Variants in ZNF568 observed in about 807,000 individuals in gnomAD.
The protein encoded by ZNF568 is zinc finger protein 568.
Under a neutral mutation model 18.1 loss-of-function variants are expected in ZNF568, and 11 were observed. That is an observed-to-expected ratio of 0.61 (90% CI 0.38 to 1.00). The LOEUF (loss-of-function observed/expected upper bound fraction) is 1.00, where lower values mean the gene tolerates loss of function less well. Ranked by LOEUF, ZNF568 falls within the 50% of genes least tolerant of loss-of-function variation. ZNF568 has a pLI of 0.01. For missense variants in ZNF568, 639 were observed against 768.2 expected, an observed-to-expected ratio of 0.83 and a Z score of 1.99; for synonymous variants, 213 against 246.6, an observed-to-expected ratio of 0.86 and a Z score of 1.28.
chr19:36,980,154 GTGC>G (rs1316599148), downstream of ZNF568: 2 of 152,028 alleles, frequency 1.3e-5, no homozygotes, highest in African/African-American at 4.8e-5. Context: ...CCGGTTATAT[GTGC>G]TGTGCATGCT....
At chr19:36,970,680 G>A (rs1053874201) in intron 6 of ZNF568, among the ~76,000 whole-genome samples, 2 of 152,038 alleles carry the variant, frequency 1.3e-5, no homozygotes, top group African/African-American at 2.4e-5. Context: ...AAATTCATTG[G>A]AGAGCATATA....
Position 36,950,280 on chromosome 19 carries a change from C to T in ZNF568, c.1127C>T (p.Ser376Phe), listed in dbSNP as rs961539053. Residue 376 changes from serine (S) to phenylalanine (F), a missense_variant, in exon 7 of 7, where the codon TCT (serine) becomes TTT (phenylalanine). Transcript: ENST00000333987. The part of the protein sequence containing the change: ...ECGRAFSRMS[S>F]VTLHMRSHTG... Reference sequence around the variant, plus strand: ...GGTAGAGCTTTTTCTCGAATGTCATCTGTTACGCTACATATGAGAAGTCAC... The same window carrying T: ...GGTAGAGCTTTTTCTCGAATGTCATTTGTTACGCTACATATGAGAAGTCAC... The T allele has an allele frequency of 8.1e-6, 13 of 1,613,704 alleles. No individual in the cohort carries two copies. Among genetic ancestry groups the T allele is most frequent in the Non-Finnish European group, 1.1e-5 (13 of 1,179,956 alleles).
Position 36,949,761 on chromosome 19 carries a change from A to G in ZNF568, c.608A>G (p.Gln203Arg), listed in dbSNP as rs1380596780. The G allele has an allele frequency of 3.7e-6, 6 of 1,614,014 alleles. No individual in the cohort carries two copies. Among genetic ancestry groups the G allele is most frequent in the Non-Finnish European group, 3.4e-6 (4 of 1,179,924 alleles). Residue 203 changes from glutamine (Q) to arginine (R), a missense_variant, in exon 7 of 7, where the codon CAG becomes CGG. Coordinates refer to ENST00000333987, the MANE Select transcript of ZNF568 (RefSeq NM_198539.4). Reference sequence around the variant, plus strand: ...GAGAAAGGCTGTGTAAGAGAGAAACAGAGTAATGAGTTTGGGAAACCATTT... The same window carrying G: ...GAGAAAGGCTGTGTAAGAGAGAAACGGAGTAATGAGTTTGGGAAACCATTT... ...RYEKGCVREK[Q>R]SNEFGKPFYH...
At chr19:36,926,072 G>A (rs939576603) in intron 4 of ZNF568, among the ~76,000 whole-genome samples, 3 of 152,050 alleles carry the variant, frequency 2.0e-5, no homozygotes, top group African/African-American at 2.4e-5. Flanking sequence ...ATGATCCTAC[G>A]TATATATTTT....
chr19:36,990,014 AG>A (rs1293707374), intron 2 of ZNF568, among the ~76,000 whole-genome samples: 6 of 152,224 alleles, frequency 3.9e-5, no homozygotes, highest in African/African-American at 1.4e-4. Context: ...TAATTAGACA[AG>A]AAAGGAATTG....
intron 6 of ZNF568, among the ~76,000 whole-genome samples, chr19:36,945,937 C>T (rs56308135): frequency 0.051 from 7,714 of 151,568 alleles, 259 homozygotes; most frequent in South Asian, 0.088. Flanking sequence ...ACTAAAAAAA[C>T]GCAAAAAATT....
At chr19:36,997,683 A>G, downstream of ZNF568, 1 of 1,009,524 alleles carries the variant, frequency 9.9e-7, no homozygotes, top group East Asian at 2.6e-5. Flanking sequence ...ACCTTAGTCA[A>G]CATCAAAGAA....
Position 36,944,636 on chromosome 19 carries a change from G to C in ZNF568, c.359-4876G>C, listed in dbSNP as rs140438706. 6.3e-3 allele frequency among the ~76,000 whole-genome samples: 952 copies of C among 152,196 alleles called. 28 individuals carry two copies. The highest frequency in any genetic ancestry group is 0.05 in the East Asian group (259 of 5,162). ...TTGGGGGACGTTTAGCAGCATGCCT[G>C]CTTCTACTCACTGGATAACAGTAGC... is the stretch of plus-strand genomic sequence containing the variant. On this transcript the variant is annotated intron_variant, in intron 6 of 6. Coordinates refer to ENST00000333987, the MANE Select transcript of ZNF568 (RefSeq NM_198539.4).
chr19:36,929,852 G>GA (rs957936467), intron 4 of ZNF568, among the ~76,000 whole-genome samples: 16 of 141,864 alleles, frequency 1.1e-4, no homozygotes, highest in African/African-American at 1.6e-4. Context: ...CAGTTTCAAA[G>GA]AAAAAAAAAA....
chr19:36,946,516 T>G (rs528924802), intron 6 of ZNF568, among the ~76,000 whole-genome samples: 1 of 152,112 alleles, frequency 6.6e-6, no homozygotes, highest in Non-Finnish European at 1.5e-5. Context: ...TTTGTTTAAA[T>G]AAGGAATCCA....
In ZNF568 at chr19:36,974,529, C is replaced by A; in HGVS notation, c.405+63C>A. 2 of 1,424,652 alleles carry A rather than the reference C, an allele frequency of 1.4e-6. 1 individual carries two copies. Among genetic ancestry groups the A allele is most frequent in the South Asian group, 2.5e-5 (2 of 80,926 alleles). 88.3% of individuals were successfully genotyped at this position (1,424,652 alleles called of 1,614,324 possible). A position where few individuals can be genotyped will look rare whatever the true frequency, so the allele number is the denominator to read the frequency against. On this transcript the variant is annotated intron_variant, in intron 7 of 7. Coordinates refer to the ZNF568 transcript ENST00000427117. The stretch of plus-strand genomic sequence containing the variant: ...TGGTTTTCAGGACAGTGTCCTATTT[C>A]AGAAATTTATCTAAAATATTTACAT...
chr19:36,980,774 A>G (rs536010303), downstream of ZNF568, among the ~76,000 whole-genome samples: 4 of 152,320 alleles, frequency 2.6e-5, no homozygotes, highest in East Asian at 3.9e-4. Context: ...GCTTCATTAC[A>G]TAGGCATCAT....
intron 6 of ZNF568, among the ~76,000 whole-genome samples, chr19:36,946,564 G>T (rs1600812630): frequency 6.6e-6 from 1 of 151,378 alleles, no homozygotes; most frequent in East Asian, 1.9e-4. Context: ...ATGCATGAAG[G>T]GATAAAAGGG....
intron 6 of ZNF568, among the ~76,000 whole-genome samples, chr19:36,964,549 A>T (rs878861397): frequency 1.3e-5 from 2 of 152,214 alleles, no homozygotes; most frequent in Non-Finnish European, 2.9e-5. Context: ...ATAGTGGCTC[A>T]TGCCTATAAT....
chr19:36,918,046 T>C (rs1286927045), intron 2 of ZNF568, among the ~76,000 whole-genome samples: 1 of 152,148 alleles, frequency 6.6e-6, no homozygotes, highest in Admixed American at 6.5e-5. Context: ...CCTCCCGAGT[T>C]CAAGCGATTC....
intron 2 of ZNF568, among the ~76,000 whole-genome samples, chr19:36,985,216 T>C (rs1028044951): frequency 1.3e-5 from 2 of 152,214 alleles, no homozygotes; most frequent in Non-Finnish European, 2.9e-5. Context: ...ATGATTTAAG[T>C]ATGTTTTTTA....
At chr19:36,974,387 G>C (rs1310141527) in intron 6 of ZNF568, 2 of 1,534,818 alleles carry the variant, frequency 1.3e-6, no homozygotes, top group Non-Finnish European at 1.7e-6. Flanking sequence ...ATTCAGGATG[G>C]CTTCTTAACG....
Position 36,950,202 on chromosome 19 carries a change from T to C in ZNF568, c.1049T>C (p.Ile350Thr), listed in dbSNP as rs371390347. The part of the protein sequence containing the change: ...GKSFSQKQNL[I>T]EHEKIHTGEK... ...TCCTTCAGCCAGAAGCAAAATCTTA[T>C]TGAGCACGAGAAAATTCATACTGGG... The change falls in exon 7 of 7, where the codon ATT (isoleucine) becomes ACT (threonine). Residue 350 changes from isoleucine to threonine, a missense_variant. Ile to Thr is a moderately conservative substitution (Grantham distance 89). Coordinates refer to ENST00000333987, the MANE Select transcript of ZNF568 (RefSeq NM_198539.4). 8.7e-6 allele frequency: 14 copies of C among 1,613,610 alleles called. No individual in the cohort carries two copies. Among genetic ancestry groups the C allele is most frequent in the Admixed American group, 8.3e-5 (5 of 59,988 alleles).
intron 7 of ZNF568, among the ~76,000 whole-genome samples, chr19:36,975,121 A>G (rs1318059626): frequency 6.8e-6 from 1 of 147,038 alleles, no homozygotes; most frequent in Non-Finnish European, 1.5e-5. Flanking sequence ...GCCATCTTGC[A>G]CGGCCCGCTT....
Sources: gnomAD v4.1 joint callset for allele counts (sites outside exome capture counted in the v4.1 genomes callset) on GRCh38, gnomAD v4.1.1 for gene constraint, MANE v1.5 for transcripts, NCBI Gene and HGNC (gene_info 2026-07-23, HGNC 2026-07-21) for gene names.